The following ARB2A variants were observed in gnomAD, a reference collection of about 807,000 sequenced individuals.
ARB2A encodes cotranscriptional regulator ARB2A.
the ARB2A span, among the ~76,000 whole-genome samples, chr5:93,661,838 T>G: frequency 3.3e-5 from 5 of 152,006 alleles, no homozygotes; most frequent in Non-Finnish European, 7.4e-5. Flanking sequence ...GGTGGATGAT[T>G]GTGGCTGAAA....
the ARB2A span, among the ~76,000 whole-genome samples, chr5:93,796,524 T>C: frequency 6.6e-6 from 1 of 152,192 alleles, no homozygotes; most frequent in South Asian, 2.1e-4. Context: ...AGTGACATCA[T>C]TATAATAAGT....
At chr5:93,827,512 G>A in the ARB2A span, among the ~76,000 whole-genome samples, 11 of 152,158 alleles carry the variant, frequency 7.2e-5, no homozygotes, top group African/African-American at 2.7e-4. Flanking sequence ...TGTCAGATGA[G>A]TAGATTGCAA....
the ARB2A span, chr5:94,050,780 C>T: frequency 1.8e-5 from 29 of 1,612,840 alleles, no homozygotes; most frequent in African/African-American, 6.7e-5. Flanking sequence ...TAAATCTTCC[C>T]GGTAGTTAAA....
chr5:93,758,721 A>G, the ARB2A span, among the ~76,000 whole-genome samples: 2 of 152,150 alleles, frequency 1.3e-5, no homozygotes, highest in African/African-American at 4.8e-5. Context: ...CAACTTAACC[A>G]AAATCTCTGG....
At chr5:93,939,939 C>A in the ARB2A span, among the ~76,000 whole-genome samples, 1 of 151,764 alleles carries the variant, frequency 6.6e-6, no homozygotes, top group Admixed American at 6.6e-5. Context: ...ATGTGAATGG[C>A]CTTGAAACTG....
At chr5:93,731,246 T>C in the ARB2A span, among the ~76,000 whole-genome samples, 1 of 152,080 alleles carries the variant, frequency 6.6e-6, no homozygotes, top group Non-Finnish European at 1.5e-5. Context: ...CTGAGGTAAT[T>C]AGGTTAAAAT....
chr5:93,651,324 A>G, the ARB2A span, among the ~76,000 whole-genome samples: 1 of 151,952 alleles, frequency 6.6e-6, no homozygotes, highest in Non-Finnish European at 1.5e-5. Flanking sequence ...TTGTAGAGAC[A>G]GGGGTTGCAC....
chr5:94,012,326 C>A, the ARB2A span, among the ~76,000 whole-genome samples: 1 of 152,278 alleles, frequency 6.6e-6, no homozygotes, highest in Non-Finnish European at 1.5e-5. Context: ...GGCGTGAACC[C>A]GGGAGGCGGG....
chr5:93,695,406 T>C, the ARB2A span, among the ~76,000 whole-genome samples: 1 of 152,220 alleles, frequency 6.6e-6, no homozygotes, highest in Non-Finnish European at 1.5e-5. Flanking sequence ...AAAGAAGATA[T>C]TTATGCAGCC....
the ARB2A span, among the ~76,000 whole-genome samples, chr5:93,688,257 AGCCACCGC>A: frequency 6.6e-6 from 1 of 152,184 alleles, no homozygotes; most frequent in African/African-American, 2.4e-5. Flanking sequence ...TACAGGCGTA[AGCCACCGC>A]GCCTGGCCAT....
At chr5:93,712,668 TAAGAA>T in the ARB2A span, among the ~76,000 whole-genome samples, 2 of 152,064 alleles carry the variant, frequency 1.3e-5, no homozygotes, top group Non-Finnish European at 1.5e-5. Context: ...AAAATTGAAA[TAAGAA>T]AAGAATTCCA....
chr5:93,692,093 G>A, the ARB2A span, among the ~76,000 whole-genome samples: 1 of 152,100 alleles, frequency 6.6e-6, no homozygotes, highest in Non-Finnish European at 1.5e-5. Flanking sequence ...AAAGACCATC[G>A]ACACTATAAA....
the ARB2A span, among the ~76,000 whole-genome samples, chr5:93,847,481 A>G: frequency 6.6e-6 from 1 of 152,170 alleles, no homozygotes; most frequent in Non-Finnish European, 1.5e-5. Context: ...CCTAGTTTAC[A>G]AAGTTTTAAA....
At chr5:93,802,574 A>G in the ARB2A span, among the ~76,000 whole-genome samples, 2 of 152,122 alleles carry the variant, frequency 1.3e-5, no homozygotes, top group African/African-American at 2.4e-5. Context: ...TTTCACATAA[A>G]CCAATAATGC....
chr5:93,718,683 T>G, the ARB2A span, among the ~76,000 whole-genome samples: 2 of 152,186 alleles, frequency 1.3e-5, no homozygotes, highest in Non-Finnish European at 2.9e-5. Context: ...AAATGTCTAA[T>G]TGTAACAACA....
chr5:94,068,862 CAAAAAA>C, the ARB2A span, among the ~76,000 whole-genome samples: 2 of 62,352 alleles, frequency 3.2e-5, no homozygotes, highest in East Asian at 5.0e-4. Flanking sequence ...ACTAAAAATA[CAAAAAA>C]AAAAAAAAAA....
chr5:93,862,693 G>A, the ARB2A span: 10 of 152,076 alleles, frequency 6.6e-5, no homozygotes, highest in East Asian at 1.7e-3. Flanking sequence ...GGAAGAGAGA[G>A]AGTCAAGAAA....
chr5:93,699,667 C>T, the ARB2A span, among the ~76,000 whole-genome samples: 1 of 152,042 alleles, frequency 6.6e-6, no homozygotes, highest in Non-Finnish European at 1.5e-5. Flanking sequence ...CAGGCTTGTG[C>T]TCAGACACTA....
At chr5:94,072,417 C>T in the ARB2A span, among the ~76,000 whole-genome samples, 4 of 151,784 alleles carry the variant, frequency 2.6e-5, no homozygotes, top group South Asian at 2.1e-4. Flanking sequence ...GAATAATGAC[C>T]GTGTTTTAGT....
Sources: gnomAD v4.1 joint callset for allele counts (sites outside exome capture counted in the v4.1 genomes callset) on GRCh38, gnomAD v4.1.1 for gene constraint, MANE v1.5 for transcripts, NCBI Gene and HGNC (gene_info 2026-07-23, HGNC 2026-07-21) for gene names.